Variants in CAMK1D observed in about 807,000 individuals in gnomAD.
The protein encoded by CAMK1D is calcium/calmodulin-dependent protein kinase type 1D.
A neutral mutation model predicts 47.7 loss-of-function variants in CAMK1D; 9 were observed. The observed-to-expected ratio is 0.19, with a 90% CI of 0.11 to 0.33. The LOEUF (loss-of-function observed/expected upper bound fraction) is 0.33. CAMK1D is among the 10% of genes least tolerant of loss of function. The pLI is 1.00. For synonymous variants in CAMK1D, 184 were observed against 184.9 expected, an observed-to-expected ratio of 0.99 and a Z score of 0.04; for missense variants, 291 against 488.7, an observed-to-expected ratio of 0.60 and a Z score of 3.81.
rs370460985 is a variant in CAMK1D at position 12,761,098 on chromosome 10, G to A, written c.438+12G>A. The A allele has an allele frequency of 1.4e-4, 227 of 1,611,176 alleles. No individual in the cohort carries two copies. The African/African-American group carries it at 2.7e-3, about 19-fold the overall frequency. ...ACAGAGACCTCAAGGTGAGGCCATC[G>A]CTCAGCAGCATCCTGCAGCCACTCT... On this transcript the variant is annotated intron_variant, in intron 4 of 10. Coordinates refer to ENST00000619168, the MANE Select transcript of CAMK1D (RefSeq NM_153498.4).
At chr10:12,581,751 C>G (rs1425557757) in intron 2 of CAMK1D, among the ~76,000 whole-genome samples, 1 of 151,976 alleles carries the variant, frequency 6.6e-6, no homozygotes, top group Non-Finnish European at 1.5e-5. Flanking sequence ...TTCTTTGTTG[C>G]TGATTTGTTT....
intron 3 of CAMK1D, among the ~76,000 whole-genome samples, chr10:12,734,439 CACACATATGTGTATATATACACAT>C (rs1278517120): frequency 0.015 from 597 of 40,916 alleles, 60 homozygotes; most frequent in African/African-American, 0.045. Flanking sequence ...TATATACACA[CACACATATGTGTATATATACACAT>C]ACACATATGT....
rs374031832 is a variant in CAMK1D, at chr10:12,823,605, AAG to A, written c.834-857_834-856del. Among the ~76,000 whole-genome samples, 351 of 152,050 alleles carry A rather than the reference AAG, an allele frequency of 2.3e-3. 3 individuals carry two copies. The highest frequency in any genetic ancestry group is 8.2e-3 in the African/African-American group (339 of 41,470). On this transcript the variant is annotated intron_variant, in intron 8 of 10. Transcript: ENST00000619168. ...CAAGAAAGAGACAGCAGAGGGAGGAAAGAGTGGGATGGAGGGTACTGTCAGGA... is the reference window on the plus strand; with the variant it reads ...CAAGAAAGAGACAGCAGAGGGAGGAAAGTGGGATGGAGGGTACTGTCAGGA...
intron 3 of CAMK1D, among the ~76,000 whole-genome samples, chr10:12,733,298 G>A (rs1002456304): frequency 1.3e-5 from 2 of 152,228 alleles, no homozygotes; most frequent in South Asian, 2.1e-4. Context: ...ATCTTCCTTA[G>A]TAGCAGTGAA....
intron 6 of CAMK1D, among the ~76,000 whole-genome samples, chr10:12,811,827 A>T (rs954060754): frequency 1.3e-5 from 2 of 152,206 alleles, no homozygotes; most frequent in African/African-American, 4.8e-5. Flanking sequence ...TGCACATTTC[A>T]TTTTGCCTGA....
chr10:12,435,239 A>G (rs1379935003), intron 1 of CAMK1D, among the ~76,000 whole-genome samples: 1 of 151,168 alleles, frequency 6.6e-6, no homozygotes, highest in East Asian at 1.9e-4. Context: ...AAAAAAAAAA[A>G]AAAAAAAGAA....
At chr10:12,512,111 T>C (rs1315713973) in intron 1 of CAMK1D, among the ~76,000 whole-genome samples, 2 of 152,246 alleles carry the variant, frequency 1.3e-5, no homozygotes, top group African/African-American at 4.8e-5. Context: ...AAGGGACCTC[T>C]GCTATACCCT....
chr10:12,688,598 G>A (rs554472292), intron 3 of CAMK1D, among the ~76,000 whole-genome samples: 2 of 152,082 alleles, frequency 1.3e-5, no homozygotes, highest in East Asian at 1.9e-4. Context: ...ATCCTTCAAG[G>A]GCCTAGAATT....
rs184515205 is a variant in CAMK1D at position 12,703,404 on chromosome 10, C to T, written c.299+36594C>T. ...CTCGGAACAGAAGCCACCAGACCCA[C>T]AGGCCATGGGAGTCCAGTCCCACAG... On this transcript the variant is annotated intron_variant, in intron 3 of 10. Coordinates refer to ENST00000619168, the MANE Select transcript of CAMK1D (RefSeq NM_153498.4). 1.8e-3 allele frequency among the ~76,000 whole-genome samples: 267 copies of T among 152,306 alleles called. 3 individuals carry two copies. Among genetic ancestry groups the T allele is most frequent in the Admixed American group, 0.014 (220 of 15,306 alleles).
chr10:12,360,147 G>T (rs1837616671), intron 1 of CAMK1D, among the ~76,000 whole-genome samples: 1 of 152,286 alleles, frequency 6.6e-6, no homozygotes, highest in South Asian at 2.1e-4. Flanking sequence ...ATTTCTAGTT[G>T]TTGAGAGGAC....
chr10:12,460,297 C>G (rs1271037436), intron 1 of CAMK1D, among the ~76,000 whole-genome samples: 1 of 145,128 alleles, frequency 6.9e-6, no homozygotes, highest in Non-Finnish European at 1.5e-5. Context: ...GTTCCACTTT[C>G]TTGCCCAGTC....
In CAMK1D at chr10:12,638,948, CTGGCTTGCTGTCTTCCTT is replaced by C. The variant is rs1457795688; in HGVS notation, c.225-27786_225-27769del. Among the ~76,000 whole-genome samples, 7 of 152,322 alleles carry C rather than the reference CTGGCTTGCTGTCTTCCTT, an allele frequency of 4.6e-5. No individual in the cohort carries two copies. The East Asian group carries it at 1.2e-3, about 25-fold the overall frequency. The stretch of plus-strand genomic sequence containing the variant: ...TTGTCACAGTCAGCGGTGGCTCTGC[CTGGCTTGCTGTCTTCCTT>C]TCTCCTCTTGGAATGTCGTCTTCGT... On this transcript the variant is annotated intron_variant, in intron 2 of 10. Transcript: ENST00000619168.
Position 12,694,364 on chromosome 10 carries a change from T to TAAAG in CAMK1D, c.299+27554_299+27555insAAAG, listed in dbSNP as rs1564498885. ...ATATATAACATATATATGTTATATG[T>TAAAG]TATATATAAAATATAAAATATATAT... On this transcript the variant is annotated intron_variant, in intron 3 of 10. Transcript: ENST00000619168. Among the ~76,000 whole-genome samples the TAAAG allele has an allele frequency of 3.5e-3, 261 of 75,388 alleles. 14 individuals are homozygous for TAAAG. The highest frequency in any genetic ancestry group is 7.6e-3 in the South Asian group (14 of 1,844). 49.5% of individuals were successfully genotyped at this position (75,388 alleles called of 152,430 possible). A position where few individuals can be genotyped will look rare whatever the true frequency, so the allele number is the denominator to read the frequency against.
At chr10:12,548,807 A>G (rs1283973318) in intron 1 of CAMK1D, among the ~76,000 whole-genome samples, 1 of 151,490 alleles carries the variant, frequency 6.6e-6, no homozygotes, top group Non-Finnish European at 1.5e-5. Context: ...GGCATCAACT[A>G]CATTCACATT....
At chr10:12,559,849 GT>G (rs200200924) in intron 2 of CAMK1D, among the ~76,000 whole-genome samples, 1,926 of 152,218 alleles carry the variant, frequency 0.013, 30 homozygotes, top group Non-Finnish European at 0.014. Flanking sequence ...TCACAAGAGG[GT>G]GAGGACTGCT....
intron 1 of CAMK1D, among the ~76,000 whole-genome samples, chr10:12,540,033 C>A (rs187546352): frequency 7.2e-4 from 110 of 152,256 alleles, no homozygotes; most frequent in Middle Eastern, 6.8e-3. Flanking sequence ...CTCACCTCAG[C>A]CTCCCAAGTA....
chr10:12,819,991 A>G (rs1457955155), intron 8 of CAMK1D, among the ~76,000 whole-genome samples: 1 of 151,934 alleles, frequency 6.6e-6, no homozygotes, highest in Middle Eastern at 3.2e-3. Context: ...GACTCGGGGG[A>G]AGATTGTGCT....
intron 1 of CAMK1D, among the ~76,000 whole-genome samples, chr10:12,434,666 A>G (rs888984130): frequency 1.3e-5 from 2 of 152,258 alleles, no homozygotes; most frequent in African/African-American, 4.8e-5. Context: ...TTGCAAAGTG[A>G]AAAACGTCCT....
intron 1 of CAMK1D, among the ~76,000 whole-genome samples, chr10:12,382,403 G>A (rs1356098184): frequency 1.3e-5 from 2 of 151,710 alleles, no homozygotes; most frequent in Admixed American, 6.6e-5. Context: ...TGAGCCTGAC[G>A]CATGTTTTGG....
Sources: gnomAD v4.1 joint callset for allele counts (sites outside exome capture counted in the v4.1 genomes callset) on GRCh38, gnomAD v4.1.1 for gene constraint, MANE v1.5 for transcripts, NCBI Gene and HGNC (gene_info 2026-07-23, HGNC 2026-07-21) for gene names.